The following ADGRB3 variants were observed in gnomAD, a reference collection of about 807,000 sequenced individuals.
The protein encoded by ADGRB3 is brain-specific angiogenesis inhibitor 3.
In ADGRB3, 37 loss-of-function variants were observed where a neutral mutation model predicts 193.4. The ratio of observed to expected loss-of-function variants is 0.19; its 90% CI spans 0.15 to 0.25. The LOEUF is 0.25. Ranked by LOEUF, ADGRB3 falls within the 10% of genes least tolerant of loss-of-function variation. The pLI is 1.00. For missense variants in ADGRB3, 1,637 were observed against 1,852.9 expected (o/e 0.88, Z 2.14); for synonymous variants, 690 against 644.2 (o/e 1.07, Z -1.08).
chr6:68,787,330 C>T (rs1766996867), intron 3 of ADGRB3, among the ~76,000 whole-genome samples: 1 of 152,186 alleles, frequency 6.6e-6, no homozygotes, highest in Non-Finnish European at 1.5e-5. Context: ...TACATCTCAT[C>T]AATACCTAAT....
intron 17 of ADGRB3, among the ~76,000 whole-genome samples, chr6:69,163,884 G>C (rs952369133): frequency 3.9e-5 from 6 of 152,054 alleles, no homozygotes; most frequent in Admixed American, 6.6e-5. Flanking sequence ...TTCAGGTATT[G>C]CATTATTTAA....
chr6:69,062,874 G>C, intron 15 of ADGRB3, 60 bp from the exon 16 acceptor site: 2 of 1,221,188 alleles, frequency 1.6e-6, no homozygotes, highest in South Asian at 2.6e-5. Context: ...GTATTGAGCA[G>C]TAGGAATTTA....
intron 3 of ADGRB3, among the ~76,000 whole-genome samples, chr6:68,877,745 A>G (rs1765631720): frequency 6.6e-6 from 1 of 152,166 alleles, no homozygotes; most frequent in Non-Finnish European, 1.5e-5. Context: ...GGGCAAGTAC[A>G]ATATAAAACC....
intron 3 of ADGRB3, among the ~76,000 whole-genome samples, chr6:68,823,925 T>C (rs187103370): frequency 1.4e-5 from 2 of 147,734 alleles, no homozygotes; most frequent in East Asian, 3.9e-4. Flanking sequence ...TCCATTCCGT[T>C]ATTTTTTCTG....
chr6:69,367,568 G>A (rs1289209313), intron 29 of ADGRB3, among the ~76,000 whole-genome samples: 2 of 151,982 alleles, frequency 1.3e-5, no homozygotes, highest in Non-Finnish European at 2.9e-5. Flanking sequence ...ACTGGTGTGA[G>A]ATGGTATGTG....
At chr6:69,283,345 C>T (rs558170252) in intron 20 of ADGRB3, among the ~76,000 whole-genome samples, 1 of 152,146 alleles carries the variant, frequency 6.6e-6, no homozygotes, top group Non-Finnish European at 1.5e-5. Flanking sequence ...GGCCTGCAGA[C>T]AATTTCATGC....
At chr6:69,185,348 G>A (rs1217851046) in intron 17 of ADGRB3, among the ~76,000 whole-genome samples, 1 of 151,962 alleles carries the variant, frequency 6.6e-6, no homozygotes, top group Non-Finnish European at 1.5e-5. Flanking sequence ...AACAATTTTG[G>A]CCTTCACTTC....
At chr6:68,800,377 G>A (rs938248536) in intron 3 of ADGRB3, among the ~76,000 whole-genome samples, 1 of 152,172 alleles carries the variant, frequency 6.6e-6, no homozygotes, top group Non-Finnish European at 1.5e-5. Context: ...AAAGATGTCT[G>A]TCAGATGTGT....
intron 17 of ADGRB3, among the ~76,000 whole-genome samples, chr6:69,162,633 C>T (rs916912781): frequency 1.3e-5 from 2 of 151,812 alleles, no homozygotes; most frequent in African/African-American, 4.8e-5. Flanking sequence ...GTCAAGGACA[C>T]AATAACTTAA....
At chr6:69,344,616 T>C (rs1769046220) in intron 26 of ADGRB3, among the ~76,000 whole-genome samples, 1 of 152,202 alleles carries the variant, frequency 6.6e-6, no homozygotes, top group South Asian at 2.1e-4. Context: ...CCATATTGCA[T>C]ATAATATAGT....
chr6:68,920,476 C>G (rs1419279980), intron 3 of ADGRB3, among the ~76,000 whole-genome samples: 1 of 143,308 alleles, frequency 7.0e-6, no homozygotes, highest in East Asian at 2.1e-4. Context: ...CGAGATCCGC[C>G]ATTGCACTCC....
At chr6:68,746,906 A>T (rs923132025) in intron 3 of ADGRB3, among the ~76,000 whole-genome samples, 2 of 151,976 alleles carry the variant, frequency 1.3e-5, no homozygotes, top group African/African-American at 4.8e-5. Flanking sequence ...TTGCTTAGTT[A>T]TTGGGTTATT....
intron 11 of ADGRB3, among the ~76,000 whole-genome samples, chr6:69,013,704 A>T (rs561739244): frequency 1.5e-4 from 23 of 152,236 alleles, no homozygotes; most frequent in African/African-American, 5.1e-4. Flanking sequence ...GATGACTTTC[A>T]TTACAGACGG....
intron 17 of ADGRB3, among the ~76,000 whole-genome samples, chr6:69,090,053 G>A (rs1445268951): frequency 6.6e-6 from 1 of 152,096 alleles, no homozygotes. Flanking sequence ...TTTTTAGCAA[G>A]GTAAACTTTC....
intron 20 of ADGRB3, among the ~76,000 whole-genome samples, chr6:69,294,881 T>C (rs965265030): frequency 1.3e-5 from 2 of 152,184 alleles, no homozygotes; most frequent in African/African-American, 4.8e-5. Context: ...AAAATCCTGA[T>C]TTCAGTGATA....
At chr6:68,837,088 T>C (rs1393791045) in intron 3 of ADGRB3, among the ~76,000 whole-genome samples, 1 of 152,160 alleles carries the variant, frequency 6.6e-6, no homozygotes, top group African/African-American at 2.4e-5. Flanking sequence ...TCAAATATTT[T>C]TGATAGAAAG....
At chr6:69,355,949 C>A in intron 28 of ADGRB3, 89 bp downstream of exon 28, 1 of 1,138,988 alleles carries the variant, frequency 8.8e-7, no homozygotes, top group Non-Finnish European at 1.3e-6. Context: ...CTGTGGTTTA[C>A]ACATTACATA....
chr6:69,290,706 T>A (rs1395985788), intron 20 of ADGRB3, among the ~76,000 whole-genome samples: 1 of 152,284 alleles, frequency 6.6e-6, no homozygotes, highest in East Asian at 1.9e-4. Context: ...AACAAATAAG[T>A]AAATACATTT....
intron 8 of ADGRB3, among the ~76,000 whole-genome samples, chr6:68,958,871 G>T (rs62418277): frequency 1.6e-3 from 39 of 24,638 alleles, no homozygotes; most frequent in Middle Eastern, 0.021. Flanking sequence ...AAGAAAAATA[G>T]TGTGTGTGTG....
Sources: allele counts gnomAD v4.1 joint callset (sites outside exome capture counted in the v4.1 genomes callset), GRCh38; gene constraint gnomAD v4.1.1; transcripts MANE v1.5; gene names NCBI Gene and HGNC (gene_info 2026-07-23, HGNC 2026-07-21).